Variants in DIS3L2 observed in about 807,000 individuals in gnomAD.
DIS3L2 encodes the protein DIS3-like exonuclease 2.
A neutral mutation model predicts 97.5 loss-of-function variants in DIS3L2; 34 were observed. The observed-to-expected ratio is 0.35, with a 90% CI of 0.27 to 0.46. The LOEUF (loss-of-function observed/expected upper bound fraction) is 0.46. Among genes scored for constraint, DIS3L2 ranks in the 20% least tolerant of loss-of-function variants. DIS3L2 has a pLI of 1.00. For missense variants in DIS3L2, 1,038 were observed against 1,146.0 expected, an observed-to-expected ratio of 0.91 and a Z score of 1.36; for synonymous variants, 435 against 445.2, an observed-to-expected ratio of 0.98 and a Z score of 0.29.
chr2:231,985,491 G>C (rs902266455), intron 1 of DIS3L2, among the ~76,000 whole-genome samples: 1 of 152,124 alleles, frequency 6.6e-6, no homozygotes, highest in Non-Finnish European at 1.5e-5. Flanking sequence ...GTTGAATGAC[G>C]GTTGTTTTCA....
chr2:232,192,883 A>G (rs1691653165), intron 9 of DIS3L2, among the ~76,000 whole-genome samples: 1 of 152,234 alleles, frequency 6.6e-6, no homozygotes, highest in Non-Finnish European at 1.5e-5. Flanking sequence ...ATCCAAGGGC[A>G]GGGAACCAGG....
At chr2:232,307,484 G>A (rs148937451) in intron 14 of DIS3L2, 48 of 151,818 alleles carry the variant, frequency 3.2e-4, no homozygotes, top group East Asian at 3.1e-3. Flanking sequence ...TAAATATAGT[G>A]GTAATTACAG....
At chr2:232,171,916 A>C (rs1383022017) in intron 9 of DIS3L2, among the ~76,000 whole-genome samples, 1 of 152,204 alleles carries the variant, frequency 6.6e-6, no homozygotes, top group Non-Finnish European at 1.5e-5. Flanking sequence ...AGGAGGAAAA[A>C]TGCCTACTGG....
At chr2:232,024,592 C>T (rs1170918511) in intron 4 of DIS3L2, among the ~76,000 whole-genome samples, 1 of 152,236 alleles carries the variant, frequency 6.6e-6, no homozygotes, top group African/African-American at 2.4e-5. Flanking sequence ...GCAGACTACC[C>T]ACCAGTTCGT....
In DIS3L2 at chr2:231,980,160, T is replaced by G. The variant is rs571732410; in HGVS notation, c.-94+18395T>G. Among the ~76,000 whole-genome samples the G allele has an allele frequency of 3.9e-4, 59 of 152,280 alleles. 1 individual carries two copies. The South Asian group carries it at 7.5e-3, about 19-fold the overall frequency. On this transcript the variant is annotated intron_variant, in intron 1 of 20. Transcript: ENST00000325385. Reference sequence around the variant, plus strand: ...AAACATTTCTCATCTATTTTGGGCATTCTTCTATTAGATCTTAAAAATTAC... The same window carrying G: ...AAACATTTCTCATCTATTTTGGGCAGTCTTCTATTAGATCTTAAAAATTAC...
intron 12 of DIS3L2, among the ~76,000 whole-genome samples, chr2:232,258,562 G>A (rs2106275181): frequency 7.6e-6 from 1 of 130,720 alleles, no homozygotes; most frequent in South Asian, 2.6e-4. Context: ...CCAACCTGGT[G>A]ACAGAGTGAC....
intron 9 of DIS3L2, among the ~76,000 whole-genome samples, chr2:232,202,607 C>G (rs1691924661): frequency 6.6e-6 from 1 of 152,166 alleles, no homozygotes; most frequent in Non-Finnish European, 1.5e-5. Context: ...TTTCTGAGGA[C>G]CCGAGGTTAG....
intron 13 of DIS3L2, among the ~76,000 whole-genome samples, chr2:232,270,359 C>T (rs538768533): frequency 1.6e-4 from 24 of 152,184 alleles, no homozygotes; most frequent in Admixed American, 5.2e-4. Context: ...CCCCTTATCA[C>T]TTCATAGCAG....
At chr2:231,966,719 T>G (rs914436922) in intron 1 of DIS3L2, among the ~76,000 whole-genome samples, 1 of 126,112 alleles carries the variant, frequency 7.9e-6, no homozygotes, top group Non-Finnish European at 1.6e-5. Context: ...TGTCTGAAAC[T>G]CTTGGCCTCA....
At chr2:232,061,187 T>C (rs1695693658) in intron 5 of DIS3L2, among the ~76,000 whole-genome samples, 1 of 152,320 alleles carries the variant, frequency 6.6e-6, no homozygotes, top group African/African-American at 2.4e-5. Context: ...GAGCAACTTA[T>C]TTAAGAACAG....
At chr2:232,228,414 A>G (rs535733909) in intron 10 of DIS3L2, among the ~76,000 whole-genome samples, 1 of 152,212 alleles carries the variant, frequency 6.6e-6, no homozygotes, top group Non-Finnish European at 1.5e-5. Flanking sequence ...CTAGGTCCCC[A>G]TGCTGGCCGT....
chr2:232,341,975 A>G (rs1696111129), downstream of DIS3L2, among the ~76,000 whole-genome samples: 1 of 152,222 alleles, frequency 6.6e-6, no homozygotes, highest in Non-Finnish European at 1.5e-5. Context: ...ACACACAGGC[A>G]GTCCCATCAG....
intron 5 of DIS3L2, among the ~76,000 whole-genome samples, chr2:232,050,134 TC>T (rs1267539671): frequency 6.6e-6 from 1 of 152,230 alleles, no homozygotes; most frequent in East Asian, 1.9e-4. Context: ...CCTGGAGCTT[TC>T]TACAGTGATT....
At chr2:232,025,794 A>AC (rs1051279639) in intron 4 of DIS3L2, among the ~76,000 whole-genome samples, 1 of 152,212 alleles carries the variant, frequency 6.6e-6, no homozygotes, top group Non-Finnish European at 1.5e-5. Flanking sequence ...AGACGGATAA[A>AC]CCATCTCTCA....
chr2:232,158,049 G>A (rs11689647), intron 8 of DIS3L2, among the ~76,000 whole-genome samples: 1,764 of 152,178 alleles, frequency 0.012, 16 homozygotes, highest in Non-Finnish European at 0.017. Flanking sequence ...CTTCTTTCAG[G>A]TCCCTATCCA....
chr2:232,103,976 C>G (rs1465718066), intron 6 of DIS3L2, among the ~76,000 whole-genome samples: 1 of 152,102 alleles, frequency 6.6e-6, no homozygotes, highest in East Asian at 1.9e-4. Flanking sequence ...TATCTGTGAT[C>G]ATAACCCCTT....
chr2:232,128,054 G>C (rs1338115046), intron 6 of DIS3L2, among the ~76,000 whole-genome samples: 2 of 152,080 alleles, frequency 1.3e-5, no homozygotes, highest in African/African-American at 4.8e-5. Flanking sequence ...GGGCTCAAGT[G>C]ATCCTCCCAC....
chr2:232,335,683 G>A (rs1695920410), intron 19 of DIS3L2, 90 bp from the exon 20 acceptor site: 1 of 1,430,912 alleles, frequency 7.0e-7, no homozygotes. Flanking sequence ...GAGGGCTGAG[G>A]GCCGCCTCCA....
At chr2:232,270,876 C>CTCTCTT (rs758626503) in intron 13 of DIS3L2, among the ~76,000 whole-genome samples, 11,486 of 125,378 alleles carry the variant, frequency 0.092, 739 homozygotes, top group South Asian at 0.27. Flanking sequence ...CTCTCTCTCT[C>CTCTCTT]TCTCTCTCTC....
Sources: allele counts gnomAD v4.1 joint callset (sites outside exome capture counted in the v4.1 genomes callset), GRCh38; gene constraint gnomAD v4.1.1; transcripts MANE v1.5; gene names NCBI Gene and HGNC (gene_info 2026-07-23, HGNC 2026-07-21).